Variants in IRX3 observed in about 807,000 individuals in gnomAD.
IRX3 encodes iroquois-class homeodomain protein IRX-3.
IRX3 carries 20 observed loss-of-function variants against 36.4 expected under a neutral mutation model. The ratio of observed to expected loss-of-function variants is 0.55; its 90% CI spans 0.39 to 0.80. IRX3 has a LOEUF of 0.80. Ranked by LOEUF, IRX3 falls within the 30% of genes least tolerant of loss-of-function variation. The probability of loss-of-function intolerance (pLI) is 0.00; values close to 1 mark genes in which losing one functional copy is unlikely to be tolerated. For missense variants in IRX3, 718 were observed against 733.2 expected, an observed-to-expected ratio of 0.98 and a Z score of 0.24; for synonymous variants, 404 against 351.6, an observed-to-expected ratio of 1.15 and a Z score of -1.67.
Position 54,284,338 on chromosome 16 carries a change from G to A in IRX3, c.1385-26C>T. 1.2e-6 allele frequency: 2 copies of A among 1,601,108 alleles called. No homozygotes were observed. Among genetic ancestry groups the A allele is most frequent in the Non-Finnish European group, 1.7e-6 (2 of 1,174,438 alleles). The stretch of plus-strand genomic sequence containing the variant: ...CTAAGGGAAGCGGGGGAAGAAAAAG[G>A]AGGGCCTTTAGAGCGCTCGGTGCCG... On this transcript the variant is annotated intron_variant, in intron 2 of 3. Transcript: ENST00000329734. The surrounding 1 kb of genome is among the most constrained non-coding windows in gnomAD (Gnocchi z 4.0).
At position 54,284,176 on chromosome 16, in the gene IRX3, G is replaced by C; in HGVS notation, c.1451+70C>G. On this transcript the variant is annotated intron_variant, in intron 3 of 3. Transcript: ENST00000329734. This position sits in a 1 kb window ranked among gnomAD's most constrained non-coding sequence, Gnocchi z 4.0. ...CCTACCCCGGGGCAAAAGGCCGTGCGTGGTGCTCGGCGTCCTCTCCTTTCC... is the reference window on the plus strand; with the variant it reads ...CCTACCCCGGGGCAAAAGGCCGTGCCTGGTGCTCGGCGTCCTCTCCTTTCC... The C allele has an allele frequency of 6.9e-7, 1 of 1,439,860 alleles. No homozygotes were observed. The highest frequency in any genetic ancestry group is 9.6e-7 in the Non-Finnish European group (1 of 1,036,642). 89.2% of individuals were successfully genotyped at this position (1,439,860 alleles called of 1,614,324 possible).
At position 54,285,547 on chromosome 16, in the gene IRX3, G is replaced by C. The variant is rs756782021; in HGVS notation, c.334C>G (p.His112Asp). 66 of 1,605,570 alleles carry C rather than the reference G, an allele frequency of 4.1e-5. No homozygotes were observed. The highest frequency in any genetic ancestry group is 5.1e-5 in the Non-Finnish European group (60 of 1,175,642). The change falls in exon 2 of 4, where the codon CAC (histidine) becomes GAC (aspartate). Residue 112 changes from histidine (H) to aspartate (D), a missense_variant. This residue lies in a region of IRX3 where 204 missense variants were observed against 181.4 expected (regional missense o/e 1.12). Transcript: ENST00000329734. This position sits in a 1 kb window ranked among gnomAD's most constrained non-coding sequence, Gnocchi z 5.7. ...TACGGGTAGAAGGCGGGGTGCGGGT[G>C]CGGAAACGCGGCAGCCGCGGCCGGA... ...QHPAAAAAFP[H>D]PHPAFYPYGQ...
chr16:54,286,007 T>C lies in IRX3; in HGVS notation c.44A>G (p.Tyr15Cys). 1 of 1,346,546 alleles carries C rather than the reference T, an allele frequency of 7.4e-7. No individual in the cohort carries two copies. The highest frequency in any genetic ancestry group is 9.5e-7 in the Non-Finnish European group (1 of 1,052,550). 83.4% of individuals were successfully genotyped at this position (1,346,546 alleles called of 1,614,324 possible). A position where few individuals can be genotyped will look rare whatever the true frequency, so the allele number is the denominator to read the frequency against. Residue 15 changes from tyrosine to cysteine, a missense_variant, in exon 1 of 4, where the codon TAC (tyrosine) becomes TGC (cysteine). Transcript: ENST00000329734. ...QLGYQYIRPL[Y>C]PSERPGAAGG... ...AGCGGCCCCCGGGCGCTCGGACGGG[T>C]AAAGCGGGCGGATGTATTGGTATCC...
At position 54,284,398 on chromosome 16, in the gene IRX3, G is replaced by A. The variant is rs1485095835; in HGVS notation, c.1385-86C>T. ...GCCGCAGAAAGCAGGAGTGGAGAGG[G>A]ACGCGCGCCCTGCGCCCCCCGGGCC... is the stretch of plus-strand genomic sequence containing the variant. On this transcript the variant is annotated intron_variant, in intron 2 of 3. Coordinates refer to ENST00000329734, the MANE Select transcript of IRX3 (RefSeq NM_024336.3). This position sits in a 1 kb window ranked among gnomAD's most constrained non-coding sequence, Gnocchi z 4.0. The A allele has an allele frequency of 5.4e-6, 8 of 1,475,370 alleles. No individual in the cohort carries two copies. The East Asian group carries it at 1.6e-4, about 30-fold the overall frequency. The allele number at this position is 1,475,370 out of a possible 1,614,324, so 91.4% of individuals were successfully genotyped here.
Position 54,286,437 on chromosome 16 carries a change from C to T in IRX3, c.-387G>A. Reference sequence around the variant, plus strand: ...CAGTGTCGCGCCTCGCTTCCTTCGCCCTCCTCTAGTTTTCACTCCCCCTCC... The same window carrying T: ...CAGTGTCGCGCCTCGCTTCCTTCGCTCTCCTCTAGTTTTCACTCCCCCTCC... On this transcript the variant is annotated 5_prime_UTR_variant, in exon 1 of 4. Transcript: ENST00000329734. 1.0e-6 allele frequency: 1 copy of T among 975,010 alleles called. No homozygotes were observed. Among genetic ancestry groups the T allele is most frequent in the Non-Finnish European group, 1.2e-6 (1 of 820,394 alleles). 60.4% of individuals were successfully genotyped at this position (975,010 alleles called of 1,614,324 possible). A position where few individuals can be genotyped will look rare whatever the true frequency, so the allele number is the denominator to read the frequency against.
Position 54,285,237 on chromosome 16 carries a change from T to A in IRX3, c.644A>T (p.Glu215Val). 6.2e-7 allele frequency: 1 copy of A among 1,612,430 alleles called. No homozygotes were observed. Among genetic ancestry groups the A allele is most frequent in the Non-Finnish European group, 8.5e-7 (1 of 1,179,450 alleles). The change falls in exon 2 of 4, where the codon GAA (glutamate) becomes GTA (valine). Residue 215 changes from glutamate to valine, a missense_variant. By Grantham distance (121) the Glu-to-Val change is moderately radical. This residue lies in a region of IRX3 where 468 missense variants were observed against 462.1 expected (regional missense o/e 1.01). Transcript: ENST00000329734. This position sits in a 1 kb window ranked among gnomAD's most constrained non-coding sequence, Gnocchi z 5.7. ...AYGSEREEED[E>V]EEDEEDGKRE... ...TTTGCCGTCCTCCTCGTCCTCCTCTTCGTCTTCCTCCTCGCGCTCGCTCCC... is the reference window on the plus strand; with the variant it reads ...TTTGCCGTCCTCCTCGTCCTCCTCTACGTCTTCCTCCTCGCGCTCGCTCCC...
At position 54,285,562 on chromosome 16, in the gene IRX3, C is replaced by A. The variant is rs769532283; in HGVS notation, c.319G>T (p.Ala107Ser). The change falls in exon 2 of 4, where the codon GCT becomes TCT. Residue 107 changes from alanine to serine, a missense_variant. This residue lies in a region of IRX3 where 204 missense variants were observed against 181.4 expected (regional missense o/e 1.12). Coordinates refer to ENST00000329734, the MANE Select transcript of IRX3 (RefSeq NM_024336.3). The surrounding 1 kb of genome is among the most constrained non-coding windows in gnomAD (Gnocchi z 5.7). ...GGGTGCGGGTGCGGAAACGCGGCAG[C>A]CGCGGCCGGATGCTGCACCCCGGGG... ...DSPGVQHPAA[A>S]AAFPHPHPAF... The A allele has an allele frequency of 1.6e-5, 26 of 1,593,634 alleles. 1 individual carries two copies. Among genetic ancestry groups the A allele is most frequent in the Non-Finnish European group, 2.2e-5 (26 of 1,169,596 alleles).
rs778720191 is a variant in IRX3 at position 54,284,627 on chromosome 16, G to C, written c.1254C>G (p.Pro418=). The change falls in exon 2 of 4, where the codon CCC becomes CCG. Residue 418 remains proline, a synonymous_variant. Coordinates refer to ENST00000329734, the MANE Select transcript of IRX3 (RefSeq NM_024336.3). The surrounding 1 kb of genome is among the most constrained non-coding windows in gnomAD (Gnocchi z 4.0). ...GGGAGAGCGGGTGCAGGCGGGGGCC[G>C]GGCGGTGGGCCTGGAAACGGCCGGT... ...WTNRPFPGPP[P]GPRLHPLSLL... The C allele has an allele frequency of 1.7e-5, 24 of 1,375,732 alleles. No individual in the cohort carries two copies. In the South Asian group the frequency reaches 4.1e-4, roughly 24 times the overall value. The allele number at this position is 1,375,732 out of a possible 1,614,324, so 85.2% of individuals were successfully genotyped here. A position where few individuals can be genotyped will look rare whatever the true frequency, so the allele number is the denominator to read the frequency against.
chr16:54,286,206 G>A lies in IRX3; in HGVS notation c.-156C>T. ...GTGCTCCGCGTTCGCCTATTGATCT[G>A]CTCCGCGGCGGCGACGGCGGCGGCG... On this transcript the variant is annotated 5_prime_UTR_variant, in exon 1 of 4. Transcript: ENST00000329734. The A allele has an allele frequency of 9.7e-7, 1 of 1,025,708 alleles. No individual in the cohort carries two copies. The highest frequency in any genetic ancestry group is 1.2e-6 in the Non-Finnish European group (1 of 856,578). The allele number at this position is 1,025,708 out of a possible 1,614,324, so 63.5% of individuals were successfully genotyped here.
chr16:54,284,895 A>C lies in IRX3; in HGVS notation c.986T>G (p.Val329Gly). Residue 329 changes from valine to glycine, a missense_variant, in exon 2 of 4, where the codon GTG becomes GGG. Physicochemically the swap from Val to Gly is moderately radical, Grantham distance 109. Around this residue, in one of 3 missense-constraint regions of IRX3, gnomAD observed 468 missense variants for 462.1 expected, o/e 1.01. Coordinates refer to ENST00000329734, the MANE Select transcript of IRX3 (RefSeq NM_024336.3). The surrounding 1 kb of genome is among the most constrained non-coding windows in gnomAD (Gnocchi z 4.0). ...TGCGGGAGCGCAGGGGTCCAGGCTC[A>C]CGGGGGGCGACGGCAGAGACGGCGA... is the stretch of plus-strand genomic sequence containing the variant. Reference protein sequence around the residue: ...VASPSLPSPPVSLDPCAPAPA... With the variant: ...VASPSLPSPPGSLDPCAPAPA... The C allele has an allele frequency of 6.4e-7, 1 of 1,572,076 alleles. No homozygotes were observed. Among genetic ancestry groups the C allele is most frequent in the East Asian group, 2.3e-5 (1 of 43,722 alleles).
Position 54,284,984 on chromosome 16 carries a change from G to C in IRX3, c.897C>G (p.Gly299=), listed in dbSNP as rs756949771. The change falls in exon 2 of 4, where the codon GGC becomes GGG. Residue 299 remains glycine, a synonymous_variant. Coordinates refer to ENST00000329734, the MANE Select transcript of IRX3 (RefSeq NM_024336.3). This position sits in a 1 kb window ranked among gnomAD's most constrained non-coding sequence, Gnocchi z 4.0. Reference sequence around the variant, plus strand: ...GGACCGGTAGTGGCCGGTCCTCTAAGCCCTCAGAGCTATCTTCCGAGTCGC... The same window carrying C: ...GGACCGGTAGTGGCCGGTCCTCTAACCCCTCAGAGCTATCTTCCGAGTCGC... ...KNSDSEDSSE[G]LEDRPLPVLS... The C allele has an allele frequency of 6.2e-7, 1 of 1,613,160 alleles. No homozygotes were observed. Among genetic ancestry groups the C allele is most frequent in the South Asian group, 1.1e-5 (1 of 90,984 alleles).
In IRX3 at chr16:54,284,102, A is replaced by T; in HGVS notation, c.1451+144T>A. On this transcript the variant is annotated intron_variant, in intron 3 of 3. Transcript: ENST00000329734. This position sits in a 1 kb window ranked among gnomAD's most constrained non-coding sequence, Gnocchi z 4.0. Reference sequence around the variant, plus strand: ...CGCAGGGCCGACAGGGGCGACTGAAAAAGTGACTTTCGTCCCCTTTTACAA... The same window carrying T: ...CGCAGGGCCGACAGGGGCGACTGAATAAGTGACTTTCGTCCCCTTTTACAA... 8.8e-7 allele frequency: 1 copy of T among 1,138,122 alleles called. No individual in the cohort carries two copies. The highest frequency in any genetic ancestry group is 1.2e-6 in the Non-Finnish European group (1 of 816,014). The allele number at this position is 1,138,122 out of a possible 1,614,324, so 70.5% of individuals were successfully genotyped here. A position where few individuals can be genotyped will look rare whatever the true frequency, so the allele number is the denominator to read the frequency against.
Position 54,284,352 on chromosome 16 carries a change from C to A in IRX3, c.1385-40G>T, listed in dbSNP as rs753312059. On this transcript the variant is annotated intron_variant, in intron 2 of 3. Coordinates refer to ENST00000329734, the MANE Select transcript of IRX3 (RefSeq NM_024336.3). The surrounding 1 kb of genome is among the most constrained non-coding windows in gnomAD (Gnocchi z 4.0). ...GGAAGAAAAAGGAGGGCCTTTAGAG[C>A]GCTCGGTGCCGGCGCCCAGGGCCGC... is the stretch of plus-strand genomic sequence containing the variant. 15 of 1,578,988 alleles carry A rather than the reference C, an allele frequency of 9.5e-6. No individual in the cohort carries two copies. Among genetic ancestry groups the A allele is most frequent in the Non-Finnish European group, 1.2e-5 (14 of 1,166,012 alleles).
chr16:54,286,249 C>T lies in IRX3; in HGVS notation c.-199G>A. The stretch of plus-strand genomic sequence containing the variant: ...CGGCGGCGAGGGCGGCGGCGAGGAG[C>T]CAGGTCAGGTCCGAACAGATTGGCG... On this transcript the variant is annotated 5_prime_UTR_variant, in exon 1 of 4. Coordinates refer to ENST00000329734, the MANE Select transcript of IRX3 (RefSeq NM_024336.3). The T allele has an allele frequency of 8.9e-6, 9 of 1,009,678 alleles. No homozygotes were observed. The highest frequency in any genetic ancestry group is 1.1e-5 in the Non-Finnish European group (9 of 846,688). 62.5% of individuals were successfully genotyped at this position (1,009,678 alleles called of 1,614,324 possible). A position where few individuals can be genotyped will look rare whatever the true frequency, so the allele number is the denominator to read the frequency against.
In IRX3 at chr16:54,284,653, T is replaced by C; in HGVS notation, c.1228A>G (p.Asn410Asp). ...APLGKFPAWT[N>D]RPFPGPPPGP... The stretch of plus-strand genomic sequence containing the variant: ...GGCGGTGGGCCTGGAAACGGCCGGT[T>C]GGTCCAAGCCGGGAACTTGCCCAGC... The change falls in exon 2 of 4, where the codon AAC (asparagine) becomes GAC (aspartate). Residue 410 changes from asparagine to aspartate, a missense_variant. Physicochemically the swap from Asn to Asp is conservative, Grantham distance 23. This residue lies in a region of IRX3 where 468 missense variants were observed against 462.1 expected (regional missense o/e 1.01). Transcript: ENST00000329734. The surrounding 1 kb of genome is among the most constrained non-coding windows in gnomAD (Gnocchi z 4.0). The C allele has an allele frequency of 7.2e-7, 1 of 1,380,572 alleles. No homozygotes were observed. Among genetic ancestry groups the C allele is most frequent in the Non-Finnish European group, 9.3e-7 (1 of 1,079,000 alleles). 85.5% of individuals were successfully genotyped at this position (1,380,572 alleles called of 1,614,324 possible).
rs1451529198 is a variant in IRX3, at chr16:54,285,942, C to T, written c.109G>A (p.Gly37Ser). The change falls in exon 1 of 4, where the codon GGT (glycine) becomes AGT (serine). Residue 37 changes from glycine (G) to serine (S), a missense_variant. This residue lies in a region of IRX3 where 204 missense variants were observed against 181.4 expected (regional missense o/e 1.12). Transcript: ENST00000329734. This position sits in a 1 kb window ranked among gnomAD's most constrained non-coding sequence, Gnocchi z 5.7. ...GGSAGARGGL[G>S]AGASELNASG... ...GCGTTCAGCTCCGAGGCTCCGGCAC[C>T]CAGGCCGCCCCGGGCCCCCGCGCTG... 4.5e-5 allele frequency: 65 copies of T among 1,454,406 alleles called. No individual in the cohort carries two copies. The highest frequency in any genetic ancestry group is 5.8e-5 in the Non-Finnish European group (64 of 1,101,104). 90.1% of individuals were successfully genotyped at this position (1,454,406 alleles called of 1,614,324 possible).
rs8050831 is a variant in IRX3, at chr16:54,284,190, C to T, written c.1451+56G>A. 1,513,598 of 1,522,592 alleles carry T rather than the reference C, an allele frequency of 0.99. 752,693 individuals carry two copies. Among genetic ancestry groups the T allele is most frequent in the East Asian group, 1 (43,330 of 43,338 alleles). 94.3% of individuals were successfully genotyped at this position (1,522,592 alleles called of 1,614,324 possible). On this transcript the variant is annotated intron_variant, in intron 3 of 3. Coordinates refer to ENST00000329734, the MANE Select transcript of IRX3 (RefSeq NM_024336.3). This position sits in a 1 kb window ranked among gnomAD's most constrained non-coding sequence, Gnocchi z 4.0. ...AAAGGCCGTGCGTGGTGCTCGGCGT[C>T]CTCTCCTTTCCCCGCCAGCCAGTCC...
chr16:54,286,031 C>G lies in IRX3; in HGVS notation c.20G>C (p.Gly7Ala). The G allele has an allele frequency of 7.6e-7, 1 of 1,322,442 alleles. No individual in the cohort carries two copies. The highest frequency in any genetic ancestry group is 9.6e-7 in the Non-Finnish European group (1 of 1,038,576). The allele number at this position is 1,322,442 out of a possible 1,614,324, so 81.9% of individuals were successfully genotyped here. Reference sequence around the variant, plus strand: ...GTAAAGCGGGCGGATGTATTGGTATCCCAGCTGGGGGAAGGACATGGTGGC... The same window carrying G: ...GTAAAGCGGGCGGATGTATTGGTATGCCAGCTGGGGGAAGGACATGGTGGC... MSFPQLGYQYIRPLYPS... is the reference protein window; with the variant it reads MSFPQLAYQYIRPLYPS... Residue 7 changes from glycine to alanine, a missense_variant, in exon 1 of 4, where the codon GGA (glycine) becomes GCA (alanine). Gly to Ala is a moderately conservative substitution (Grantham distance 60, BLOSUM62 0). This residue lies in a region of IRX3 where 204 missense variants were observed against 181.4 expected (regional missense o/e 1.12). Transcript: ENST00000329734.
chr16:54,284,534 G>C lies in IRX3; in HGVS notation c.1347C>G (p.Ala449=). The change falls in exon 2 of 4, where the codon GCC becomes GCG. Residue 449 remains alanine, a synonymous_variant. Coordinates refer to ENST00000329734, the MANE Select transcript of IRX3 (RefSeq NM_024336.3). This position sits in a 1 kb window ranked among gnomAD's most constrained non-coding sequence, Gnocchi z 4.0. ...PGAAGHPAAA[A]AFARPAEPEG... is the part of the protein sequence containing the mutation. ...CGGGCTCCGCTGGCCGAGCGAAGGC[G>C]GCGGCGGCAGCCGGGTGGCCCGCGG... is the stretch of plus-strand genomic sequence containing the variant. 1 of 1,417,818 alleles carries C rather than the reference G, an allele frequency of 7.1e-7. No individual in the cohort carries two copies. Among genetic ancestry groups the C allele is most frequent in the Non-Finnish European group, 9.1e-7 (1 of 1,096,238 alleles). 87.8% of individuals were successfully genotyped at this position (1,417,818 alleles called of 1,614,324 possible).
Sources: allele counts gnomAD v4.1 joint callset, GRCh38; gene constraint gnomAD v4.1.1; regional missense constraint gnomAD v4.1.1; non-coding constraint Gnocchi (gnomAD v3.1); transcripts MANE v1.5; gene names NCBI Gene and HGNC (gene_info 2026-07-23, HGNC 2026-07-21).